SEMA4A: variants seen among roughly 807,000 people sequenced by gnomAD.
SEMA4A encodes the protein semaphorin-4A.
In SEMA4A, 52 loss-of-function variants were observed where a neutral mutation model predicts 72.5. The ratio of observed to expected loss-of-function variants is 0.72; its 90% CI spans 0.57 to 0.90. The LOEUF (loss-of-function observed/expected upper bound fraction) is 0.90. SEMA4A is among the 40% of genes least tolerant of loss of function. The probability of loss-of-function intolerance (pLI) is 0.00; values close to 1 mark genes in which losing one functional copy is unlikely to be tolerated. For synonymous variants in SEMA4A, 369 were observed against 393.1 expected, an observed-to-expected ratio of 0.94 and a Z score of 0.73; for missense variants, 926 against 959.7, an observed-to-expected ratio of 0.96 and a Z score of 0.46.
chr1:156,149,266 C>T (rs554068098), upstream of SEMA4A, among the ~76,000 whole-genome samples: 6 of 152,332 alleles, frequency 3.9e-5, no homozygotes, highest in East Asian at 5.8e-4. Context: ...TGCTCCTCCC[C>T]GAATGGGAAA....
At chr1:156,171,690 C>A (rs1654789447) in intron 10 of SEMA4A, among the ~76,000 whole-genome samples, 1 of 151,940 alleles carries the variant, frequency 6.6e-6, no homozygotes, top group Admixed American at 6.6e-5. Context: ...GATTCTCCTG[C>A]CTCAGCTTCC....
At position 156,158,816 on chromosome 1, in the gene SEMA4A, T is replaced by A; in HGVS notation, c.560T>A (p.Val187Asp). 1 of 1,613,282 alleles carries A rather than the reference T, an allele frequency of 6.2e-7. No homozygotes were observed. The change falls in exon 6 of 15, where the codon GTC becomes GAC. Residue 187 changes from valine (V) to aspartate (D), a missense_variant. By Grantham distance (152) the Val-to-Asp change is radical (BLOSUM62 -3). Transcript: ENST00000368285. ...PFDPAHKHTA[V>D]LVDGMLYSGT... ...GACCCCGCTCACAAGCATACGGCTGTCTTGGTGGGTGAGTATCAGGTTTCC... is the reference window on the plus strand; with the variant it reads ...GACCCCGCTCACAAGCATACGGCTGACTTGGTGGGTGAGTATCAGGTTTCC...
At chr1:156,148,730 A>G (rs2102915303), upstream of SEMA4A, among the ~76,000 whole-genome samples, 1 of 150,610 alleles carries the variant, frequency 6.6e-6, no homozygotes, top group South Asian at 2.1e-4. Flanking sequence ...TTCGCCCCAG[A>G]CTCATGGTGC....
intron 1 of SEMA4A, chr1:156,154,242 G>C: frequency 2.8e-6 from 1 of 352,660 alleles, no homozygotes. Context: ...AGACAGGAAA[G>C]ACTTCCTGAG....
In SEMA4A at chr1:156,176,442, G is replaced by T. The variant is rs755677360; in HGVS notation, c.1731G>T (p.Glu577Asp). 17 of 1,613,958 alleles carry T rather than the reference G, an allele frequency of 1.1e-5. No homozygotes were observed. Among genetic ancestry groups the T allele is most frequent in the Admixed American group, 1.7e-5 (1 of 59,980 alleles). The change falls in exon 15 of 15, where the codon GAG becomes GAT. Residue 577 changes from glutamate to aspartate, a missense_variant. Transcript: ENST00000368285. ...EVLAVPNSIL[E>D]LPCPHLSALA... is the part of the protein sequence containing the mutation. ...TGGCTGTCCCCAACTCCATCCTGGA[G>T]CTCCCCTGCCCCCACCTGTCAGCCT...
chr1:156,160,359 C>G, intron 6 of SEMA4A, 84 bp from the exon 7 acceptor site: 1 of 1,077,234 alleles, frequency 9.3e-7, no homozygotes, highest in Non-Finnish European at 1.4e-6. Context: ...GATATGGATG[C>G]CAGCCCCAGT....
rs746517696 is a variant in SEMA4A at position 156,154,562 on chromosome 1, A to G, written c.-17A>G. ...CCTGTTTCCCCAGAGCTCCCTGGTG[A>G]CAGTCTGTGGCTGAGCATGGCCCTC... On this transcript the variant is annotated 5_prime_UTR_variant, in exon 2 of 15. Transcript: ENST00000368285. 17 of 1,607,100 alleles carry G rather than the reference A, an allele frequency of 1.1e-5. No individual in the cohort carries two copies. The highest frequency in any genetic ancestry group is 1.7e-5 in the Admixed American group (1 of 59,524).
intron 6 of SEMA4A, chr1:156,159,079 A>T (rs1653335167): frequency 2.0e-6 from 1 of 492,182 alleles, no homozygotes; most frequent in African/African-American, 2.0e-5. Flanking sequence ...TAATCCTAGC[A>T]GTCTAGCAGT....
At position 156,172,933 on chromosome 1, in the gene SEMA4A, G is replaced by A. The variant is rs1654944232; in HGVS notation, c.1242G>A (p.Glu414=). The A allele has an allele frequency of 1.9e-6, 3 of 1,614,162 alleles. No homozygotes were observed. The highest frequency in any genetic ancestry group is 2.5e-6 in the Non-Finnish European group (3 of 1,180,000). The change falls in exon 11 of 15, where the codon GAG becomes GAA. Residue 414 remains glutamate, a synonymous_variant. Transcript: ENST00000368285. ...CCCTGCTGGTGAAATCTGGCGTGGA[G>A]TATACACGGCTTGCAGTGGAGACAG... ...GTPLLVKSGV[E]YTRLAVETAQ...
chr1:156,155,971 G>A (rs990782505), intron 2 of SEMA4A: 6 of 261,600 alleles, frequency 2.3e-5, no homozygotes, highest in Non-Finnish European at 3.1e-5. Context: ...GAGGAAGAAA[G>A]CAGGGGTGGT....
Position 156,156,681 on chromosome 1 carries a change from A to C in SEMA4A, c.300+107A>C, listed in dbSNP as rs1653065440. 5.8e-6 allele frequency: 6 copies of C among 1,042,838 alleles called. No individual in the cohort carries two copies. In the East Asian group the frequency reaches 1.5e-4, roughly 26 times the overall value. 64.6% of individuals were successfully genotyped at this position (1,042,838 alleles called of 1,614,324 possible). A position where few individuals can be genotyped will look rare whatever the true frequency, so the allele number is the denominator to read the frequency against. The stretch of plus-strand genomic sequence containing the variant: ...GAATAACTTAGTTGCTGTTATCTGT[A>C]ATCAGCAGTTCTCTTTATATGTATA... On this transcript the variant is annotated intron_variant, in intron 3 of 14. Transcript: ENST00000368285.
chr1:156,169,450 C>G (rs550368990), intron 10 of SEMA4A, among the ~76,000 whole-genome samples: 2 of 118,732 alleles, frequency 1.7e-5, no homozygotes, highest in Non-Finnish European at 3.2e-5. Flanking sequence ...GAGTCTTGCT[C>G]GCTCAGTTGC....
rs776754785 is a variant in SEMA4A, at chr1:156,154,730, C to G, written c.139+13C>G. ...AGATACTATGCAGGTAAGTGTCCGA[C>G]AGCAGGAAGTGTGGGGATAGCAATA... On this transcript the variant is annotated intron_variant, in intron 2 of 14. Transcript: ENST00000368285. The G allele has an allele frequency of 1.9e-6, 3 of 1,575,394 alleles. No individual in the cohort carries two copies. The highest frequency in any genetic ancestry group is 3.8e-5 in the Admixed American group (2 of 52,582).
chr1:156,169,736 A>T (rs1219937475), intron 10 of SEMA4A, among the ~76,000 whole-genome samples: 1 of 150,700 alleles, frequency 6.6e-6, no homozygotes, highest in East Asian at 2.0e-4. Context: ...TGTCTTTTTA[A>T]AAATTCCCTG....
upstream of SEMA4A, among the ~76,000 whole-genome samples, chr1:156,150,748 T>G (rs1363453442): frequency 6.6e-6 from 1 of 152,098 alleles, no homozygotes; most frequent in African/African-American, 2.4e-5. Context: ...CACCTCCACA[T>G]CTAGACCTTT....
intron 9 of SEMA4A, 139 bp from the exon 10 acceptor site, chr1:156,162,805 G>T: frequency 9.7e-7 from 1 of 1,030,868 alleles, no homozygotes; most frequent in East Asian, 2.5e-5. Context: ...AACACAGTGA[G>T]GGGAAGGAGT....
At chr1:156,163,488 G>A (rs568949165) in intron 10 of SEMA4A, among the ~76,000 whole-genome samples, 54 of 152,166 alleles carry the variant, frequency 3.5e-4, no homozygotes, top group African/African-American at 1.2e-3. Context: ...TGGGGAGGCC[G>A]AGGCAGGTGG....
intron 10 of SEMA4A, among the ~76,000 whole-genome samples, chr1:156,166,375 A>C (rs1462498035): frequency 6.6e-6 from 1 of 152,140 alleles, no homozygotes; most frequent in Non-Finnish European, 1.5e-5. Context: ...ATATTTTTTG[A>C]GGACACATGC....
chr1:156,158,872 C>A, intron 6 of SEMA4A, 48 bp downstream of exon 6: 1 of 1,469,788 alleles, frequency 6.8e-7, no homozygotes, highest in African/African-American at 1.4e-5. Context: ...TTTCTCCAGT[C>A]ACGCTGTGAA....
Sources: allele counts gnomAD v4.1 joint callset (sites outside exome capture counted in the v4.1 genomes callset), GRCh38; gene constraint gnomAD v4.1.1; transcripts MANE v1.5; gene names NCBI Gene and HGNC (gene_info 2026-07-23, HGNC 2026-07-21).